PHF20: variants seen among roughly 807,000 people sequenced by gnomAD.
PHF20 encodes glioma-expressed antigen 2.
In PHF20, 23 loss-of-function variants were observed where a neutral mutation model predicts 113.5. That is an observed-to-expected ratio of 0.20 (90% CI 0.15 to 0.29). The LOEUF (loss-of-function observed/expected upper bound fraction) is 0.29, where lower values mean the gene tolerates loss of function less well. Ranked by LOEUF, PHF20 falls within the 10% of genes least tolerant of loss-of-function variation. The probability of loss-of-function intolerance (pLI) is 1.00; values close to 1 mark genes in which losing one functional copy is unlikely to be tolerated. For synonymous variants in PHF20, 434 were observed against 457.3 expected (o/e 0.95, Z 0.65); for missense variants, 943 against 1,219.6 (o/e 0.77, Z 3.38).
At chr20:35,811,632 C>T (rs2041979558) in intron 2 of PHF20, among the ~76,000 whole-genome samples, 1 of 151,758 alleles carries the variant, frequency 6.6e-6, no homozygotes, top group Non-Finnish European at 1.5e-5. Context: ...TTAGTAGGGA[C>T]AGGGTTTCAC....
intron 1 of PHF20, among the ~76,000 whole-genome samples, chr20:35,796,650 A>G (rs1301178125): frequency 6.6e-6 from 1 of 152,172 alleles, no homozygotes; most frequent in African/African-American, 2.4e-5. Flanking sequence ...GATAATTTTG[A>G]CACAACATTT....
At chr20:35,901,540 T>C (rs2055097791) in intron 10 of PHF20, among the ~76,000 whole-genome samples, 1 of 151,780 alleles carries the variant, frequency 6.6e-6, no homozygotes, top group Non-Finnish European at 1.5e-5. Context: ...AAATAATGAA[T>C]GTAATTGAGA....
At chr20:35,778,443 C>T (rs2041218799) in intron 1 of PHF20, among the ~76,000 whole-genome samples, 2 of 152,120 alleles carry the variant, frequency 1.3e-5, no homozygotes, top group Non-Finnish European at 2.9e-5. Flanking sequence ...AGGCTATTGA[C>T]TATAGGGTAA....
chr20:35,867,112 C>T (rs2054333010), intron 6 of PHF20, among the ~76,000 whole-genome samples: 2 of 152,062 alleles, frequency 1.3e-5, no homozygotes, highest in African/African-American at 4.8e-5. Flanking sequence ...GAAGACTTGC[C>T]AAGTATCCCA....
At chr20:35,851,116 C>A (rs961337241) in intron 4 of PHF20, among the ~76,000 whole-genome samples, 2 of 152,002 alleles carry the variant, frequency 1.3e-5, no homozygotes, top group African/African-American at 2.4e-5. Context: ...GCTTTTTGCC[C>A]CCAGTAGTGT....
chr20:35,860,505 G>A (rs1452121768), intron 5 of PHF20, among the ~76,000 whole-genome samples: 1 of 152,190 alleles, frequency 6.6e-6, no homozygotes, highest in African/African-American at 2.4e-5. Context: ...GCCTCCCAAA[G>A]TGCTGAGATT....
At chr20:35,870,770 C>A (rs1159378311) in intron 7 of PHF20, among the ~76,000 whole-genome samples, 185 bp from the exon 8 acceptor site, 2 of 152,114 alleles carry the variant, frequency 1.3e-5, no homozygotes, top group East Asian at 3.9e-4. Flanking sequence ...TCTATCCTGG[C>A]AGGGACACTT....
At chr20:35,845,362 T>C (rs1168105918) in intron 3 of PHF20, 5 of 380,320 alleles carry the variant, frequency 1.3e-5, no homozygotes, top group Non-Finnish European at 1.6e-5. Context: ...CATTAACTCA[T>C]CTTTTTTTGT....
chr20:35,933,618 C>T (rs2055807338), intron 15 of PHF20, among the ~76,000 whole-genome samples: 1 of 152,036 alleles, frequency 6.6e-6, no homozygotes, highest in African/African-American at 2.4e-5. Context: ...AGGATGGTCT[C>T]GATCTACTGA....
intron 10 of PHF20, among the ~76,000 whole-genome samples, chr20:35,902,548 G>C (rs1388109281): frequency 6.6e-6 from 1 of 152,212 alleles, no homozygotes; most frequent in Non-Finnish European, 1.5e-5. Context: ...GAGGGACTTT[G>C]CTCAGTATAA....
intron 12 of PHF20, among the ~76,000 whole-genome samples, chr20:35,916,677 CAGGCTGGTCTCAAATCCT>C (rs956051862): frequency 6.6e-6 from 1 of 152,140 alleles, no homozygotes; most frequent in African/African-American, 2.4e-5. Flanking sequence ...CCACGTTGGC[CAGGCTGGTCTCAAATCCT>C]AGGCTCAAGT....
At chr20:35,908,870 GT>G (rs1568746592) in intron 10 of PHF20, among the ~76,000 whole-genome samples, 1 of 152,106 alleles carries the variant, frequency 6.6e-6, no homozygotes, top group Non-Finnish European at 1.5e-5. Flanking sequence ...ATAGATTGTT[GT>G]ATATTAACTT....
chr20:35,786,194 C>T (rs1307045244), intron 1 of PHF20, among the ~76,000 whole-genome samples: 1 of 151,340 alleles, frequency 6.6e-6, no homozygotes, highest in Non-Finnish European at 1.5e-5. Context: ...CGAGACCATC[C>T]TGGTCAACAT....
chr20:35,912,509 C>A (rs901916167), intron 10 of PHF20, among the ~76,000 whole-genome samples: 1 of 151,946 alleles, frequency 6.6e-6, no homozygotes, highest in Non-Finnish European at 1.5e-5. Flanking sequence ...TGAATGGTAC[C>A]TCAATTTTTA....
chr20:35,831,039 T>C (rs2042348409), intron 2 of PHF20, among the ~76,000 whole-genome samples: 1 of 152,142 alleles, frequency 6.6e-6, no homozygotes, highest in South Asian at 2.1e-4. Flanking sequence ...TGCAGACATA[T>C]AAAGTTGTCC....
chr20:35,852,290 G>A (rs901164265), intron 4 of PHF20, among the ~76,000 whole-genome samples: 2 of 152,148 alleles, frequency 1.3e-5, no homozygotes, highest in Non-Finnish European at 2.9e-5. Context: ...CTGATAGAAT[G>A]CGAGAGTGGA....
intron 14 of PHF20, among the ~76,000 whole-genome samples, chr20:35,929,127 G>A (rs139681560): frequency 0.014 from 2,068 of 152,302 alleles, 21 homozygotes; most frequent in South Asian, 0.046. Context: ...GTCCGATAAG[G>A]TGGGCCTGGT....
chr20:35,802,294 T>A (rs2041793908), intron 2 of PHF20, among the ~76,000 whole-genome samples: 1 of 152,096 alleles, frequency 6.6e-6, no homozygotes. Flanking sequence ...TTGGTCATTT[T>A]TTGGTGCTCA....
chr20:35,908,685 T>C (rs1010335578), intron 10 of PHF20, among the ~76,000 whole-genome samples: 1 of 152,160 alleles, frequency 6.6e-6, no homozygotes, highest in Non-Finnish European at 1.5e-5. Context: ...AAATCACTCA[T>C]AGTAAAAGCC....
Sources: gnomAD v4.1 joint callset for allele counts (sites outside exome capture counted in the v4.1 genomes callset) on GRCh38, gnomAD v4.1.1 for gene constraint, MANE v1.5 for transcripts, NCBI Gene and HGNC (gene_info 2026-07-23, HGNC 2026-07-21) for gene names.